The following SMIM14 variants were observed in gnomAD, a reference collection of about 807,000 sequenced individuals.
The protein encoded by SMIM14 is chromosome 4 open reading frame 34.
A neutral mutation model predicts 12.6 loss-of-function variants in SMIM14; 5 were observed. The observed-to-expected ratio is 0.40, with a 90% CI of 0.21 to 0.83. The LOEUF is 0.83. Ranked by LOEUF, SMIM14 falls within the 40% of genes least tolerant of loss-of-function variation. The pLI is 0.37. For synonymous variants in SMIM14, 30 were observed against 40.1 expected (o/e 0.75, Z 0.95); for missense variants, 86 against 119.1 (o/e 0.72, Z 1.29).
Position 39,586,719 on chromosome 4 carries a change from G to A in SMIM14, c.76-14256C>T, listed in dbSNP as rs28451024. Among the ~76,000 whole-genome samples the A allele has an allele frequency of 5.6e-3, 856 of 152,068 alleles. 15 individuals carry two copies. The highest frequency in any genetic ancestry group is 0.02 in the African/African-American group (813 of 41,418). ...TACACAGTTGCAAAGTCACTTACCC[G>A]TTTTTAGGTATTTGTTATAGTAGCA... is the stretch of plus-strand genomic sequence containing the variant. On this transcript the variant is annotated intron_variant, in intron 2 of 4. Coordinates refer to ENST00000295958, the MANE Select transcript of SMIM14 (RefSeq NM_174921.3).
At chr4:39,597,480 G>A (rs1346706515) in intron 2 of SMIM14, among the ~76,000 whole-genome samples, 4 of 123,728 alleles carry the variant, frequency 3.2e-5, no homozygotes, top group African/African-American at 1.2e-4. Flanking sequence ...GTCTGGCTCT[G>A]TTGCCCAGGC....
chr4:39,631,474 T>C (rs749127662), intron 1 of SMIM14, among the ~76,000 whole-genome samples: 62 of 149,810 alleles, frequency 4.1e-4, no homozygotes, highest in East Asian at 8.0e-4. Flanking sequence ...CTGGCTAACA[T>C]GGTGAAACTC....
intron 3 of SMIM14, among the ~76,000 whole-genome samples, chr4:39,567,273 A>G (rs183930470): frequency 6.6e-6 from 1 of 152,060 alleles, no homozygotes; most frequent in African/African-American, 2.4e-5. Context: ...TTACAACTTT[A>G]TCAGGAAGAA....
intron 1 of SMIM14, among the ~76,000 whole-genome samples, chr4:39,614,185 C>CAAAAAAAAAAA: frequency 9.8e-6 from 1 of 102,268 alleles, no homozygotes; most frequent in Non-Finnish European, 2.1e-5. Context: ...AACTCCATTA[C>CAAAAAAAAAAA]AAAAAAAAAA....
intron 3 of SMIM14, among the ~76,000 whole-genome samples, chr4:39,570,298 C>T (rs1578320497): frequency 6.6e-6 from 1 of 152,002 alleles, no homozygotes; most frequent in African/African-American, 2.4e-5. Context: ...GCAGCTGGGA[C>T]TACAGGCACG....
chr4:39,577,496 C>T (rs540957610), intron 2 of SMIM14, among the ~76,000 whole-genome samples: 1 of 150,430 alleles, frequency 6.6e-6, no homozygotes, highest in East Asian at 1.9e-4. Flanking sequence ...GATACAATCT[C>T]GGCTCACTGC....
Position 39,638,851 on chromosome 4 carries a change from C to G in SMIM14, c.-148G>C. 1 of 985,802 alleles carries G rather than the reference C, an allele frequency of 1.0e-6. No individual in the cohort carries two copies. Among genetic ancestry groups the G allele is most frequent in the Non-Finnish European group, 1.2e-6 (1 of 830,238 alleles). 61.1% of individuals were successfully genotyped at this position (985,802 alleles called of 1,614,324 possible). On this transcript the variant is annotated 5_prime_UTR_variant, in exon 1 of 5. Transcript: ENST00000295958. ...GCGGCTGCTCCGGACGCTGCTGCCA[C>G]TGCCGTTTCTGGCCGCCGGCTTCCT...
intron 2 of SMIM14, chr4:39,592,884 C>T (rs886792750): frequency 5.9e-5 from 9 of 152,150 alleles, no homozygotes; most frequent in African/African-American, 1.9e-4. Context: ...AGACCAATAA[C>T]AGGCTCTGAA....
chr4:39,634,067 T>A (rs1716005027), intron 1 of SMIM14, among the ~76,000 whole-genome samples: 2 of 152,180 alleles, frequency 1.3e-5, no homozygotes, highest in South Asian at 4.1e-4. Flanking sequence ...TAGCTGGGAT[T>A]ACAGGCGCGC....
chr4:39,557,305 T>G (rs149847945), intron 3 of SMIM14, among the ~76,000 whole-genome samples: 2,465 of 152,222 alleles, frequency 0.016, 88 homozygotes, highest in Non-Finnish European at 0.016. Flanking sequence ...AGCCACTGTG[T>G]CCTGCCCCAC....
In SMIM14 at chr4:39,547,239, C is replaced by A. The variant is rs988034264; in HGVS notation, c.*4887G>T. 8 of 152,282 alleles carry A rather than the reference C, an allele frequency of 5.3e-5. No individual in the cohort carries two copies. Among genetic ancestry groups the A allele is most frequent in the Middle Eastern group, 3.4e-3 (1 of 294 alleles). The allele number at this position is 152,282 out of a possible 1,614,324, so 9.4% of individuals were successfully genotyped here. A position where few individuals can be genotyped will look rare whatever the true frequency, so the allele number is the denominator to read the frequency against. On this transcript the variant is annotated 3_prime_UTR_variant, in exon 5 of 5. Transcript: ENST00000295958. ...ACTGTTTAATACACAATGTTAACAT[C>A]TACTAGGCAAAAGATGCTTGCTTCT... is the stretch of plus-strand genomic sequence containing the variant.
At chr4:39,598,897 C>T (rs1020716374) in intron 2 of SMIM14, among the ~76,000 whole-genome samples, 4 of 151,812 alleles carry the variant, frequency 2.6e-5, no homozygotes, top group African/African-American at 7.3e-5. Context: ...AGTCCTGATG[C>T]ACAGCTGCCA....
At chr4:39,636,309 G>T (rs1228313080) in intron 1 of SMIM14, among the ~76,000 whole-genome samples, 1 of 151,630 alleles carries the variant, frequency 6.6e-6, no homozygotes, top group Non-Finnish European at 1.5e-5. Context: ...ATCTTTACCC[G>T]AATCAAACCA....
At chr4:39,602,640 A>G (rs1560300545) in intron 2 of SMIM14, among the ~76,000 whole-genome samples, 1 of 152,082 alleles carries the variant, frequency 6.6e-6, no homozygotes. Flanking sequence ...TCATAAACAA[A>G]TATTCTCTCC....
At chr4:39,581,576 T>G (rs1323752314) in intron 2 of SMIM14, among the ~76,000 whole-genome samples, 2 of 144,294 alleles carry the variant, frequency 1.4e-5, no homozygotes, top group African/African-American at 5.1e-5. Context: ...AGTGCAGTGG[T>G]GTGATCTAGG....
intron 1 of SMIM14, among the ~76,000 whole-genome samples, chr4:39,635,739 C>A (rs1716062781): frequency 6.6e-6 from 1 of 152,096 alleles, no homozygotes; most frequent in Admixed American, 6.5e-5. Flanking sequence ...AGGTTATTAG[C>A]AGATTTAGGA....
chr4:39,593,195 C>T (rs1714190500), intron 2 of SMIM14: 1 of 152,044 alleles, frequency 6.6e-6, no homozygotes, highest in Non-Finnish European at 1.5e-5. Context: ...CATCAAAAAG[C>T]TTATCCACCA....
chr4:39,634,622 A>T (rs1276397017), intron 1 of SMIM14, among the ~76,000 whole-genome samples: 1 of 152,256 alleles, frequency 6.6e-6, no homozygotes, highest in East Asian at 1.9e-4. Flanking sequence ...CAATCTTCCA[A>T]GGAAAAGCCA....
chr4:39,595,104 C>T (rs1465798855), intron 2 of SMIM14, among the ~76,000 whole-genome samples: 5 of 141,530 alleles, frequency 3.5e-5, no homozygotes, highest in African/African-American at 7.9e-5. Context: ...CACATGCACA[C>T]GTATGTTTAT....
Sources: gnomAD v4.1 joint callset for allele counts (sites outside exome capture counted in the v4.1 genomes callset) on GRCh38, gnomAD v4.1.1 for gene constraint, MANE v1.5 for transcripts, NCBI Gene and HGNC (gene_info 2026-07-23, HGNC 2026-07-21) for gene names.